Variants in JMJD1C observed in about 807,000 individuals in gnomAD.
JMJD1C encodes jumonji domain-containing protein 1C.
JMJD1C carries 31 observed loss-of-function variants against 245.3 expected under a neutral mutation model. That is an observed-to-expected ratio of 0.13 (90% CI 0.09 to 0.17). JMJD1C has a LOEUF of 0.17. Ranked by LOEUF, JMJD1C falls within the 10% of genes least tolerant of loss-of-function variation. The pLI is 1.00. For missense variants in JMJD1C, 2,691 were observed against 3,000.2 expected (o/e 0.90, Z 2.41); for synonymous variants, 1,057 against 1,017.4 (o/e 1.04, Z -0.74).
At chr10:63,298,784 G>C (rs542366485) in intron 2 of JMJD1C, among the ~76,000 whole-genome samples, 1 of 152,228 alleles carries the variant, frequency 6.6e-6, no homozygotes, top group South Asian at 2.1e-4. Flanking sequence ...CCAGGCTGGA[G>C]TGCAATGGTA....
intron 3 of JMJD1C, among the ~76,000 whole-genome samples, chr10:63,261,100 A>C (rs530182489): frequency 6.6e-6 from 1 of 152,308 alleles, no homozygotes; most frequent in South Asian, 2.1e-4. Flanking sequence ...TTGTGTGCAC[A>C]GGGAAGGAGA....
intron 3 of JMJD1C, among the ~76,000 whole-genome samples, chr10:63,261,245 T>A (rs918114537): frequency 6.6e-6 from 1 of 152,140 alleles, no homozygotes; most frequent in South Asian, 2.1e-4. Flanking sequence ...CTATAATATA[T>A]AATGATTGCA....
At chr10:63,215,738 G>C in intron 5 of JMJD1C, 42 bp from the exon 6 acceptor site, 2 of 1,327,680 alleles carry the variant, frequency 1.5e-6, no homozygotes, top group Non-Finnish European at 1.0e-6. Flanking sequence ...TAAATAGAAT[G>C]AGCTAATCAA....
intron 1 of JMJD1C, among the ~76,000 whole-genome samples, chr10:63,510,301 C>G (rs570952987): frequency 6.6e-6 from 1 of 152,320 alleles, no homozygotes; most frequent in South Asian, 2.1e-4. Context: ...CCGCGCTCGG[C>G]CAATTTTGGA....
At chr10:63,424,360 C>T (rs922361715) in intron 1 of JMJD1C, among the ~76,000 whole-genome samples, 1 of 151,902 alleles carries the variant, frequency 6.6e-6, no homozygotes, top group Non-Finnish European at 1.5e-5. Flanking sequence ...AGCCACTGCA[C>T]ATGGCCTGTA....
At position 63,254,852 on chromosome 10, in the gene JMJD1C, T is replaced by TC. The variant is rs558980910; in HGVS notation, c.447+9798dup. 2.9e-3 allele frequency among the ~76,000 whole-genome samples: 424 copies of TC among 146,274 alleles called. 1 individual carries two copies. Among genetic ancestry groups the TC allele is most frequent in the Non-Finnish European group, 3.7e-3 (248 of 66,528 alleles). On this transcript the variant is annotated intron_variant, in intron 3 of 25. Coordinates refer to ENST00000399262, the MANE Select transcript of JMJD1C (RefSeq NM_032776.3). ...GGTGTGTGCCACTATGCAGCATAGCTCCCCCCCTTTTTTTTTTATGAGATA... is the reference window on the plus strand; with the variant it reads ...GGTGTGTGCCACTATGCAGCATAGCTCCCCCCCCTTTTTTTTTTATGAGATA...
chr10:63,255,478 A>G (rs1853762369), intron 3 of JMJD1C, among the ~76,000 whole-genome samples: 1 of 152,214 alleles, frequency 6.6e-6, no homozygotes, highest in Non-Finnish European at 1.5e-5. Flanking sequence ...GATTCTGGAG[A>G]GGGTTTAAAG....
At chr10:63,449,662 AACACAG>A (rs923182397) in intron 1 of JMJD1C, among the ~76,000 whole-genome samples, 2 of 152,200 alleles carry the variant, frequency 1.3e-5, no homozygotes, top group African/African-American at 4.8e-5. Context: ...AAGCCTAACA[AACACAG>A]GACGTATATG....
At chr10:63,205,043 A>AT (rs1188683464) in intron 10 of JMJD1C, 21 of 984,894 alleles carry the variant, frequency 2.1e-5, no homozygotes, top group Admixed American at 1.2e-4. Flanking sequence ...CTAAAAAGAA[A>AT]TAAGCAAACT....
chr10:63,255,591 A>G (rs1185709038), intron 3 of JMJD1C, among the ~76,000 whole-genome samples: 1 of 152,180 alleles, frequency 6.6e-6, no homozygotes, highest in Non-Finnish European at 1.5e-5. Context: ...ATTGCCTGCT[A>G]TATCATCACA....
intron 2 of JMJD1C, among the ~76,000 whole-genome samples, chr10:63,288,224 G>A (rs781100594): frequency 6.6e-6 from 1 of 152,154 alleles, no homozygotes; most frequent in Non-Finnish European, 1.5e-5. Context: ...TTGTTCAAGA[G>A]TCAACTGTAC....
intron 3 of JMJD1C, among the ~76,000 whole-genome samples, chr10:63,231,128 C>T (rs773169368): frequency 9.2e-5 from 14 of 152,034 alleles, no homozygotes; most frequent in Non-Finnish European, 1.8e-4. Flanking sequence ...ATTTACACAC[C>T]AACACTCCCC....
chr10:63,201,508 T>C (rs35555565), intron 10 of JMJD1C, among the ~76,000 whole-genome samples: 30,703 of 152,178 alleles, frequency 0.2, 4,065 homozygotes, highest in Non-Finnish European at 0.29. Flanking sequence ...TTTACTGACT[T>C]ATGTTTAATA....
intron 1 of JMJD1C, among the ~76,000 whole-genome samples, chr10:63,392,556 G>C (rs562815395): frequency 6.6e-6 from 1 of 152,166 alleles, no homozygotes; most frequent in Admixed American, 6.5e-5. Flanking sequence ...GCCGGGCATG[G>C]TGGCTCATGC....
At chr10:63,434,780 G>A (rs1261854837) in intron 1 of JMJD1C, among the ~76,000 whole-genome samples, 2 of 152,094 alleles carry the variant, frequency 1.3e-5, no homozygotes, top group Admixed American at 6.5e-5. Context: ...ACACAAAGGT[G>A]GATGAAACAA....
intron 2 of JMJD1C, among the ~76,000 whole-genome samples, chr10:63,272,105 C>T (rs962200357): frequency 8.6e-5 from 13 of 150,964 alleles, no homozygotes; most frequent in African/African-American, 2.4e-4. Flanking sequence ...GAAAAACTAC[C>T]GAAAAGATAT....
intron 1 of JMJD1C, among the ~76,000 whole-genome samples, chr10:63,506,678 G>C (rs970167951): frequency 3.3e-5 from 5 of 151,860 alleles, no homozygotes; most frequent in African/African-American, 9.7e-5. Context: ...CCCATTTACC[G>C]CCTGTCCCTA....
At chr10:63,313,215 T>C (rs1284522638) in intron 2 of JMJD1C, among the ~76,000 whole-genome samples, 3 of 152,246 alleles carry the variant, frequency 2.0e-5, no homozygotes, top group Admixed American at 6.5e-5. Context: ...TTTTCATTCC[T>C]GAGTTACTTC....
chr10:63,288,083 G>C (rs1434068848), intron 2 of JMJD1C, among the ~76,000 whole-genome samples: 1 of 152,054 alleles, frequency 6.6e-6, no homozygotes, highest in East Asian at 1.9e-4. Flanking sequence ...TTCTCATTTT[G>C]TTGCCCAGGC....
Sources: gnomAD v4.1 joint callset for allele counts (sites outside exome capture counted in the v4.1 genomes callset) on GRCh38, gnomAD v4.1.1 for gene constraint, MANE v1.5 for transcripts, NCBI Gene and HGNC (gene_info 2026-07-23, HGNC 2026-07-21) for gene names.